The following ETV1 variants were observed in gnomAD, a reference collection of about 807,000 sequenced individuals.
ETV1 encodes the protein ETS translocation variant 1.
ETV1 carries 27 observed loss-of-function variants against 62.3 expected under a neutral mutation model. The ratio of observed to expected loss-of-function variants is 0.43; its 90% confidence interval spans 0.32 to 0.60. ETV1 has a LOEUF of 0.60. Among genes scored for constraint, ETV1 ranks in the 20% least tolerant of loss-of-function variants. The probability of loss-of-function intolerance (pLI) is 0.06; values close to 1 mark genes in which losing one functional copy is unlikely to be tolerated. For synonymous variants in ETV1, 222 were observed against 199.6 expected (o/e 1.11, Z -0.94); for missense variants, 605 against 605.8 (o/e 1.00, Z 0.01).
chr7:13,937,298 C>A (rs183730820), intron 7 of ETV1, among the ~76,000 whole-genome samples: 23 of 152,274 alleles, frequency 1.5e-4, no homozygotes, highest in Non-Finnish European at 2.6e-4. Flanking sequence ...ATGTTCTTTA[C>A]CAGTATTTCT....
At chr7:13,932,229 A>G (rs566034192) in intron 8 of ETV1, among the ~76,000 whole-genome samples, 57 of 152,252 alleles carry the variant, frequency 3.7e-4, no homozygotes, top group African/African-American at 1.2e-3. Context: ...AAACCAACCA[A>G]CCAAAAACCT....
At chr7:13,927,554 A>G (rs1011332450) in intron 9 of ETV1, among the ~76,000 whole-genome samples, 7 of 152,198 alleles carry the variant, frequency 4.6e-5, no homozygotes, top group Non-Finnish European at 1.0e-4. Flanking sequence ...CCAATAGGTG[A>G]AAAAAGAAAT....
intron 8 of ETV1, among the ~76,000 whole-genome samples, 191 bp from the exon 9 acceptor site, chr7:13,931,940 C>T (rs947432793): frequency 6.6e-6 from 1 of 151,938 alleles, no homozygotes; most frequent in African/African-American, 2.4e-5. Flanking sequence ...GACTTATATT[C>T]CCTTTCTAAT....
intron 6 of ETV1, among the ~76,000 whole-genome samples, chr7:13,949,941 C>T (rs748380313): frequency 3.3e-5 from 5 of 152,018 alleles, no homozygotes; most frequent in Non-Finnish European, 7.4e-5. Flanking sequence ...AACAAAAATG[C>T]CACCAAGTTT....
rs1263494785 is a variant in ETV1, at chr7:13,931,865, T to C, written c.555-116A>G. ...ACATGATACCAGCTGACCTGAAGCG[T>C]AAATCTTTAACAAGCATTACGTTTT... On this transcript the variant is annotated intron_variant, in intron 8 of 13. Transcript: ENST00000430479. 3.2e-6 allele frequency: 4 copies of C among 1,239,468 alleles called. No homozygotes were observed. The African/African-American group carries it at 4.5e-5, about 14-fold the overall frequency. 76.8% of individuals were successfully genotyped at this position (1,239,468 alleles called of 1,614,324 possible). A position where few individuals can be genotyped will look rare whatever the true frequency, so the allele number is the denominator to read the frequency against.
rs1483563020 is a variant in ETV1, at chr7:13,893,032, C to A, written c.*2834G>T. On this transcript the variant is annotated 3_prime_UTR_variant, in exon 14 of 14. Coordinates refer to ENST00000430479, the MANE Select transcript of ETV1 (RefSeq NM_004956.5). The stretch of plus-strand genomic sequence containing the variant: ...ATTTGAGAAAAATGTTCTGCACTGT[C>A]AGTCTTGTGGATTTTTATTCTGAAG... 4.3e-6 allele frequency: 1 copy of A among 232,722 alleles called. No homozygotes were observed. The highest frequency in any genetic ancestry group is 8.5e-6 in the Non-Finnish European group (1 of 117,812). The allele number at this position is 232,722 out of a possible 1,614,324, so 14.4% of individuals were successfully genotyped here.
intron 6 of ETV1, among the ~76,000 whole-genome samples, chr7:13,946,853 A>G (rs1049836674): frequency 1.3e-5 from 2 of 152,090 alleles, no homozygotes; most frequent in African/African-American, 4.8e-5. Flanking sequence ...CAGTGGCACA[A>G]TCTCAGCTCA....
Position 13,895,184 on chromosome 7 carries a change from G to C in ETV1, c.*682C>G, listed in dbSNP as rs2128398330. The C allele has an allele frequency of 4.3e-6, 1 of 233,526 alleles. No homozygotes were observed. The highest frequency in any genetic ancestry group is 1.8e-4 in the South Asian group (1 of 5,534). 14.5% of individuals were successfully genotyped at this position (233,526 alleles called of 1,614,324 possible). On this transcript the variant is annotated 3_prime_UTR_variant, in exon 14 of 14. Transcript: ENST00000430479. ...TGGCCTATGACTCAGTTTGGCGCCA[G>C]AGTCCAAAATTGTGCCCCTCATTTA... is the stretch of plus-strand genomic sequence containing the variant.
chr7:13,984,013 A>C (rs1209688688), intron 5 of ETV1, among the ~76,000 whole-genome samples: 1 of 151,896 alleles, frequency 6.6e-6, no homozygotes, highest in South Asian at 2.1e-4. Flanking sequence ...GAATAGTCTT[A>C]CAGAAAAAAA....
At chr7:13,953,640 A>G (rs1296453174) in intron 6 of ETV1, among the ~76,000 whole-genome samples, 1 of 150,250 alleles carries the variant, frequency 6.7e-6, no homozygotes, top group East Asian at 1.9e-4. Flanking sequence ...CTGAGTGACT[A>G]TGAAGACAGG....
At chr7:13,900,390 C>T (rs1030894219) in intron 13 of ETV1, 1 of 194,022 alleles carries the variant, frequency 5.2e-6, no homozygotes, top group Non-Finnish European at 1.0e-5. Context: ...TTCTTTATTG[C>T]TATAAACAAA....
At position 13,954,745 on chromosome 7, in the gene ETV1, A is replaced by C. The variant is rs529206987; in HGVS notation, c.236-15499T>G. ...TCAATGCTTGAAGTACACCTGCAGC[A>C]TTCTGATGTCACCCTACTGAAGACA... On this transcript the variant is annotated intron_variant, in intron 6 of 13. Transcript: ENST00000430479. Among the ~76,000 whole-genome samples the C allele has an allele frequency of 4.6e-5, 7 of 152,302 alleles. No homozygotes were observed. The South Asian group carries it at 8.3e-4, about 18-fold the overall frequency.
intron 8 of ETV1, 99 bp downstream of exon 8, chr7:13,935,609 G>A: frequency 1.1e-5 from 11 of 958,282 alleles, no homozygotes; most frequent in Non-Finnish European, 1.8e-5. Flanking sequence ...AAATTAATAG[G>A]CTCACCTTAA....
intron 5 of ETV1, among the ~76,000 whole-genome samples, chr7:13,983,396 G>A (rs994438059): frequency 6.6e-6 from 1 of 151,830 alleles, no homozygotes; most frequent in Non-Finnish European, 1.5e-5. Flanking sequence ...TACACAAGAG[G>A]TTCCATTTTA....
In ETV1 at chr7:13,911,292, T is replaced by C. The variant is rs1443548846; in HGVS notation, c.818A>G (p.His273Arg). 3.1e-6 allele frequency: 5 copies of C among 1,612,104 alleles called. No homozygotes were observed. Among genetic ancestry groups the C allele is most frequent in the South Asian group, 2.2e-5 (2 of 90,890 alleles). ...FAYDSEVPSC[H>R]SIYMRQEGFL... ...GCCTTCTTGCCTCATATAAATGGAG[T>C]GGCAGCTAGGCACTTCTGAAAGAGG... Residue 273 changes from histidine to arginine, a missense_variant, in exon 10 of 14, where the codon CAC (histidine) becomes CGC (arginine). His to Arg is a conservative substitution (Grantham distance 29). Coordinates refer to ENST00000430479, the MANE Select transcript of ETV1 (RefSeq NM_004956.5).
At chr7:13,899,924 T>A (rs947451152) in intron 13 of ETV1, among the ~76,000 whole-genome samples, 2 of 151,690 alleles carry the variant, frequency 1.3e-5, no homozygotes, top group Non-Finnish European at 2.9e-5. Flanking sequence ...AGGTCAGGAG[T>A]TCAAGACCAG....
chr7:13,961,835 A>G (rs1259346005), intron 6 of ETV1, among the ~76,000 whole-genome samples: 1 of 152,124 alleles, frequency 6.6e-6, no homozygotes, highest in Non-Finnish European at 1.5e-5. Flanking sequence ...TGAACAAACA[A>G]CACTTCTTAG....
At chr7:13,919,495 T>C (rs1265039105) in intron 9 of ETV1, among the ~76,000 whole-genome samples, 1 of 150,860 alleles carries the variant, frequency 6.6e-6, no homozygotes, top group Non-Finnish European at 1.5e-5. Context: ...TTTGATACTT[T>C]TCATATTTAT....
Position 13,913,915 on chromosome 7 carries a change from C to T in ETV1, c.803-2608G>A, listed in dbSNP as rs188034757. On this transcript the variant is annotated intron_variant, in intron 9 of 13. Coordinates refer to ENST00000430479, the MANE Select transcript of ETV1 (RefSeq NM_004956.5). ...TTTTTTTTTTTTTGAGACAGAGTCTCGCTCTGTCGCCCAGGCTGGAGTGCA... is the reference window on the plus strand; with the variant it reads ...TTTTTTTTTTTTTGAGACAGAGTCTTGCTCTGTCGCCCAGGCTGGAGTGCA... 5.7e-3 allele frequency among the ~76,000 whole-genome samples: 658 copies of T among 115,442 alleles called. 16 individuals carry two copies. The Admixed American group carries it at 0.062, about 11-fold the overall frequency. 75.7% of individuals were successfully genotyped at this position (115,442 alleles called of 152,430 possible).
Sources: allele counts gnomAD v4.1 joint callset (sites outside exome capture counted in the v4.1 genomes callset), GRCh38; gene constraint gnomAD v4.1.1; transcripts MANE v1.5; gene names NCBI Gene and HGNC (gene_info 2026-07-23, HGNC 2026-07-21).